STAB1: variants seen among roughly 807,000 people sequenced by gnomAD.
STAB1 encodes stabilin 1.
STAB1 carries 250 observed loss-of-function variants against 332.4 expected under a neutral mutation model. The observed-to-expected ratio is 0.75, with a 90% CI of 0.68 to 0.84. The LOEUF is 0.84. Ranked by LOEUF, STAB1 falls within the 40% of genes least tolerant of loss-of-function variation. STAB1 has a pLI of 0.00. For missense variants in STAB1, 3,249 were observed against 3,489.7 expected, an observed-to-expected ratio of 0.93 and a Z score of 1.74; for synonymous variants, 1,475 against 1,390.4, an observed-to-expected ratio of 1.06 and a Z score of -1.35.
intron 1 of STAB1, among the ~76,000 whole-genome samples, chr3:52,496,772 G>C (rs950407918): frequency 6.6e-6 from 1 of 152,140 alleles, no homozygotes; most frequent in Non-Finnish European, 1.5e-5. Context: ...CCTCAGATTC[G>C]AGTTTTTTCC....
At position 52,524,343 on chromosome 3, in the gene STAB1, T is replaced by C; in HGVS notation, c.7700T>C (p.Leu2567Pro). Residue 2567 changes from leucine (L) to proline (P), a missense_variant, in exon 69 of 69, where the codon CTC becomes CCC. Leu to Pro is a moderately conservative substitution (Grantham distance 98). Coordinates refer to ENST00000321725, the MANE Select transcript of STAB1 (RefSeq NM_015136.3). ...EEDFPDTQRI[L>P]TVK ...GACTTCCCTGACACCCAGAGGATCC[T>C]CACAGTCAAGTGACGAGGCTGGGGC... The C allele has an allele frequency of 6.2e-7, 1 of 1,613,832 alleles. No individual in the cohort carries two copies. Among genetic ancestry groups the C allele is most frequent in the Non-Finnish European group, 8.5e-7 (1 of 1,180,000 alleles).
At chr3:52,518,453 C>G in intron 46 of STAB1, 83 bp from the exon 47 acceptor site, 1 of 1,566,682 alleles carries the variant, frequency 6.4e-7, no homozygotes, top group South Asian at 1.2e-5. Flanking sequence ...GGTTTGTTCT[C>G]TCTGAGTCCA....
intron 45 of STAB1, 21 bp downstream of exon 45, chr3:52,518,024 C>A (rs1407959338): frequency 6.3e-7 from 1 of 1,592,138 alleles, no homozygotes; most frequent in Non-Finnish European, 8.5e-7. Context: ...CCAAGTCAGA[C>A]CCCTGATCTG....
chr3:52,515,075 C>G, intron 36 of STAB1, 30 bp downstream of exon 36: 1 of 1,610,300 alleles, frequency 6.2e-7, no homozygotes, highest in Non-Finnish European at 8.5e-7. Context: ...AGCTCTGTCC[C>G]TGTGTTGCCT....
chr3:52,504,185 C>A (rs766153364), intron 10 of STAB1, 30 bp downstream of exon 10: 2 of 1,565,474 alleles, frequency 1.3e-6, no homozygotes, highest in East Asian at 4.7e-5. Context: ...GCCCACGACC[C>A]GACCCCTCAC....
chr3:52,521,006 G>C lies in STAB1; in HGVS notation c.5908+1G>C, dbSNP rs780667840. The C allele has an allele frequency of 3.1e-5, 47 of 1,537,776 alleles. No homozygotes were observed. The highest frequency in any genetic ancestry group is 3.7e-5 in the Non-Finnish European group (42 of 1,144,486). The stretch of plus-strand genomic sequence containing the variant: ...GGTCACTATGGCAGTGAGTGCCAAG[G>C]TGAGCATTGCAGACACTGTTGACTA... On this transcript the variant is annotated splice_donor_variant, in intron 55 of 68. Transcript: ENST00000321725. LOFTEE classifies it high-confidence loss of function.
chr3:52,510,742 G>A (rs1456088032), intron 25 of STAB1, among the ~76,000 whole-genome samples: 6 of 152,230 alleles, frequency 3.9e-5, no homozygotes, highest in Non-Finnish European at 8.8e-5. Context: ...TGTTCTAGAT[G>A]TAGGGAATGT....
At position 52,521,867 on chromosome 3, in the gene STAB1, C is replaced by T. The variant is rs761351342; in HGVS notation, c.6187C>T (p.Pro2063Ser). ...QLELQPVCTP[P>S]CAPEAVCRAG... is the part of the protein sequence containing the mutation. ...AGAGCTGCAGCCTGTGTGTACCCCA[C>T]CCTGTGCACCCGAGGCTGTGTGCCG... is the stretch of plus-strand genomic sequence containing the variant. Residue 2063 changes from proline to serine, a missense_variant, in exon 58 of 69, where the codon CCC (proline) becomes TCC (serine). Physicochemically the swap from Pro to Ser is moderately conservative, Grantham distance 74. Coordinates refer to ENST00000321725, the MANE Select transcript of STAB1 (RefSeq NM_015136.3). 4 of 1,603,196 alleles carry T rather than the reference C, an allele frequency of 2.5e-6. No homozygotes were observed. The South Asian group carries it at 4.5e-5, about 18-fold the overall frequency.
chr3:52,498,212 C>T (rs2153232504), intron 1 of STAB1, among the ~76,000 whole-genome samples: 1 of 152,372 alleles, frequency 6.6e-6, no homozygotes. Flanking sequence ...CTCAACTTCC[C>T]CCAGCAGCAG....
intron 37 of STAB1, 38 bp downstream of exon 37, chr3:52,515,544 A>G (rs776599084): frequency 6.2e-7 from 1 of 1,608,710 alleles, no homozygotes. Flanking sequence ...CTGTCCAGAG[A>G]GAAGGAGGTG....
intron 50 of STAB1, 188 bp from the exon 51 acceptor site, chr3:52,519,756 T>G: frequency 1.8e-6 from 2 of 1,122,404 alleles, no homozygotes; most frequent in South Asian, 3.1e-5. Flanking sequence ...GGTGTGCTTA[T>G]GTGTGCCCAC....
At position 52,521,359 on chromosome 3, in the gene STAB1, AGCTTGCCCTG is replaced by A; in HGVS notation, c.5910_5919del (p.Cys1971AlafsTer16). On this transcript the variant is annotated splice_acceptor_variant and coding_sequence_variant, in exon 56 of 69. Coordinates refer to ENST00000321725, the MANE Select transcript of STAB1 (RefSeq NM_015136.3). LOFTEE classifies it high-confidence loss of function. ...ACCTCACTTCTCCTACCCCATCCCCAGCTTGCCCTGGCGGCCCCAGCAGCCCTTGTAGTGA... is the reference window on the plus strand; with the variant it reads ...ACCTCACTTCTCCTACCCCATCCCCAGCGGCCCCAGCAGCCCTTGTAGTGA... 3 of 1,613,768 alleles carry A rather than the reference AGCTTGCCCTG, an allele frequency of 1.9e-6. No individual in the cohort carries two copies. The highest frequency in any genetic ancestry group is 2.5e-6 in the Non-Finnish European group (3 of 1,179,982).
rs780084060 is a variant in STAB1, at chr3:52,517,345, C to T, written c.4515C>T (p.His1505=). ...AAATTAACAGCTGTCTCATCCACCA[C>T]GGGGGCTGCCACATTCACGCCGAGT... is the stretch of plus-strand genomic sequence containing the variant. The part of the protein sequence containing the change: ...CQEINSCLIH[H]GGCHIHAECI... Residue 1505 remains histidine, a synonymous_variant, in exon 43 of 69, where the codon CAC becomes CAT. Coordinates refer to ENST00000321725, the MANE Select transcript of STAB1 (RefSeq NM_015136.3). The T allele has an allele frequency of 1.0e-5, 16 of 1,600,872 alleles. No individual in the cohort carries two copies. Among genetic ancestry groups the T allele is most frequent in the African/African-American group, 6.7e-5 (5 of 74,360 alleles).
chr3:52,512,482 A>G, intron 27 of STAB1, 46 bp downstream of exon 27: 2 of 1,610,560 alleles, frequency 1.2e-6, no homozygotes, highest in Non-Finnish European at 1.7e-6. Context: ...GTGCTTGGGA[A>G]GGAGCCCTCT....
chr3:52,519,166 C>A, intron 48 of STAB1, 98 bp from the exon 49 acceptor site: 1 of 1,507,100 alleles, frequency 6.6e-7, no homozygotes, highest in South Asian at 1.3e-5. Context: ...CTGCCTGCAC[C>A]CTGACTTGCC....
intron 48 of STAB1, 25 bp downstream of exon 48, chr3:52,518,894 C>A (rs1461338130): frequency 6.7e-7 from 1 of 1,499,090 alleles, no homozygotes. Context: ...TGGCCTGCCC[C>A]GCTCCATCCC....
At position 52,506,802 on chromosome 3, in the gene STAB1, G is replaced by C. The variant is rs751339175; in HGVS notation, c.1941G>C (p.Leu647=). Reference sequence around the variant, plus strand: ...GCATCCTGCTGCCCCCGACCATCCTGCCCATCCTGCCCAAGCACTGCAGCG... The same window carrying C: ...GCATCCTGCTGCCCCCGACCATCCTCCCCATCCTGCCCAAGCACTGCAGCG... ...LDGILLPPTI[L]PILPKHCSEE... is the part of the protein sequence containing the mutation. The change falls in exon 18 of 69, where the codon CTG becomes CTC. Residue 647 remains leucine (L), a synonymous_variant. Transcript: ENST00000321725. The C allele has an allele frequency of 6.2e-7, 1 of 1,613,192 alleles. No homozygotes were observed. Among genetic ancestry groups the C allele is most frequent in the Admixed American group, 1.7e-5 (1 of 60,030 alleles).
chr3:52,503,452 T>C lies in STAB1; in HGVS notation c.803T>C (p.Met268Thr), dbSNP rs767442101. 6.2e-7 allele frequency: 1 copy of C among 1,613,816 alleles called. No individual in the cohort carries two copies. Among genetic ancestry groups the C allele is most frequent in the Non-Finnish European group, 8.5e-7 (1 of 1,180,016 alleles). Residue 268 changes from methionine (M) to threonine (T), a missense_variant, in exon 8 of 69, where the codon ATG becomes ACG. Coordinates refer to ENST00000321725, the MANE Select transcript of STAB1 (RefSeq NM_015136.3). ...HCPENYHGDG[M>T]VCLPKDPCTD... The stretch of plus-strand genomic sequence containing the variant: ...CCTGAGAACTACCATGGCGATGGGA[T>C]GGTGTGTCTGCCCAAGGACCCATGC...
At chr3:52,512,553 T>A (rs748652767) in intron 27 of STAB1, 43 bp from the exon 28 acceptor site, 13 of 1,613,194 alleles carry the variant, frequency 8.1e-6, no homozygotes, top group African/African-American at 1.3e-5. Flanking sequence ...GGGGCTTGAA[T>A]TTGCCCCTGG....
Sources: gnomAD v4.1 joint callset for allele counts (sites outside exome capture counted in the v4.1 genomes callset) on GRCh38, gnomAD v4.1.1 for gene constraint, MANE v1.5 for transcripts, NCBI Gene and HGNC (gene_info 2026-07-23, HGNC 2026-07-21) for gene names.